Variants in KCTD2 observed in about 807,000 individuals in gnomAD.
The protein encoded by KCTD2 is BTB/POZ domain-containing protein KCTD2.
A neutral mutation model predicts 27.9 loss-of-function variants in KCTD2; 18 were observed. That is an observed-to-expected ratio of 0.64 (90% CI 0.45 to 0.96). The LOEUF (loss-of-function observed/expected upper bound fraction) is 0.96. Among genes scored for constraint, KCTD2 ranks in the 40% least tolerant of loss-of-function variants. The pLI, the probability that KCTD2 is intolerant of heterozygous loss-of-function variation, is 0.00. For missense variants in KCTD2, 280 were observed against 348.0 expected (o/e 0.80, Z 1.56); for synonymous variants, 175 against 148.4 (o/e 1.18, Z -1.30).
upstream of KCTD2, among the ~76,000 whole-genome samples, chr17:75,043,611 CA>C (rs533075854): frequency 1.8e-3 from 147 of 80,638 alleles, no homozygotes; most frequent in East Asian, 0.012. Flanking sequence ...GACTCTGTCT[CA>C]AAAAAAAAAA....
In KCTD2 at chr17:75,035,103, T is replaced by G. The variant is rs1386160970; in HGVS notation, c.-384-129T>G. On this transcript the variant is annotated intron_variant, in intron 2 of 7. Transcript: ENST00000581589. ...CAAATTGGCCTCTCTAGGAGGTAGCTGCAGCCGGAGACCGCGTGGCCTAAT... is the reference window on the plus strand; with the variant it reads ...CAAATTGGCCTCTCTAGGAGGTAGCGGCAGCCGGAGACCGCGTGGCCTAAT... 8 of 152,264 alleles carry G rather than the reference T, an allele frequency of 5.3e-5. 1 individual carries two copies. In the South Asian group the frequency reaches 6.2e-4, roughly 12 times the overall value. 9.4% of individuals were successfully genotyped at this position (152,264 alleles called of 1,614,324 possible).
chr17:75,040,344 A>G (rs1017132126), intron 3 of KCTD2: 1 of 657,850 alleles, frequency 1.5e-6, no homozygotes, highest in Non-Finnish European at 2.7e-6. Flanking sequence ...TGGAGTAGAA[A>G]GAATATTAGA....
intron 3 of KCTD2, chr17:75,039,202 T>C (rs756581780): frequency 3.5e-5 from 56 of 1,613,862 alleles, no homozygotes; most frequent in East Asian, 6.7e-5. Flanking sequence ...CTACCCATCA[T>C]CCTTACCTCT....
At chr17:75,049,394 A>T (rs1215917814) in intron 2 of KCTD2, 66 bp downstream of exon 2, 2 of 1,073,032 alleles carry the variant, frequency 1.9e-6, no homozygotes, top group Non-Finnish European at 2.8e-6. Context: ...TGTTTTACAG[A>T]TTTCAATTTT....
chr17:75,062,415 G>A (rs185528978), intron 5 of KCTD2, among the ~76,000 whole-genome samples, 170 bp downstream of exon 5: 19 of 152,122 alleles, frequency 1.2e-4, no homozygotes, highest in East Asian at 1.2e-3. Context: ...TGGGATTTAC[G>A]GAGCACTGAC....
chr17:75,047,302 G>T lies in KCTD2; in HGVS notation c.52G>T (p.Gly18Trp). The T allele has an allele frequency of 8.6e-7, 1 of 1,163,812 alleles. No individual in the cohort carries two copies. Among genetic ancestry groups the T allele is most frequent in the South Asian group, 3.9e-5 (1 of 25,578 alleles). The allele number at this position is 1,163,812 out of a possible 1,614,324, so 72.1% of individuals were successfully genotyped here. A position where few individuals can be genotyped will look rare whatever the true frequency, so the allele number is the denominator to read the frequency against. ...GATGGCGGGGCTGGGAGGGGGCGGC[G>T]GGAGTGGGGTGGGCGACGGGGGTGG... ...PAMAGLGGGG[G>W]SGVGDGGGPV... Residue 18 changes from glycine to tryptophan, a missense_variant, in exon 1 of 6, where the codon GGG becomes TGG. Transcript: ENST00000322444.
chr17:75,055,912 T>G (rs533910634), intron 3 of KCTD2, among the ~76,000 whole-genome samples: 1 of 151,796 alleles, frequency 6.6e-6, no homozygotes, highest in African/African-American at 2.4e-5. Context: ...GCGCCTATAA[T>G]CCCAGCTACT....
At chr17:75,059,802 G>A (rs1265860115) in intron 4 of KCTD2, among the ~76,000 whole-genome samples, 197 bp downstream of exon 4, 4 of 152,168 alleles carry the variant, frequency 2.6e-5, no homozygotes, top group Non-Finnish European at 5.9e-5. Flanking sequence ...GGGAAACAGA[G>A]GAGCATCATG....
chr17:75,042,578 T>C (rs749305952), upstream of KCTD2: 96 of 1,612,922 alleles, frequency 6.0e-5, no homozygotes, highest in Admixed American at 3.3e-4. Context: ...GCAATGGCCT[T>C]TTGGTTCTGG....
At chr17:75,039,875 G>C in intron 3 of KCTD2, 1 of 577,218 alleles carries the variant, frequency 1.7e-6, no homozygotes, top group Non-Finnish European at 3.0e-6. Context: ...GTCTTACAAA[G>C]ATGGAATCAT....
chr17:75,046,033 G>A (rs909822104), upstream of KCTD2, among the ~76,000 whole-genome samples: 11 of 152,196 alleles, frequency 7.2e-5, no homozygotes, highest in African/African-American at 2.7e-4. Context: ...CTCTGTTTGG[G>A]GTCCCTGATT....
Position 75,062,230 on chromosome 17 carries a change from G to A in KCTD2, c.747G>A (p.Pro249=), listed in dbSNP as rs777864720. ...NNSTNGIVIE[P]SEKAKILQER... ...CTACCAATGGCATCGTCATAGAGCC[G>A]AGCGAAAAGGCGAAGGTAAGGAGCC... Residue 249 remains proline, a synonymous_variant, in exon 5 of 6, where the codon CCG becomes CCA. Transcript: ENST00000322444. 32 of 1,611,962 alleles carry A rather than the reference G, an allele frequency of 2.0e-5. No individual in the cohort carries two copies. Among genetic ancestry groups the A allele is most frequent in the Non-Finnish European group, 2.5e-5 (29 of 1,179,290 alleles).
At chr17:75,060,663 G>T in intron 4 of KCTD2, 1 of 1,494,602 alleles carries the variant, frequency 6.7e-7, no homozygotes. Context: ...GGGAGGGCGC[G>T]CGTGCGAGGG....
chr17:75,035,401 C>T (rs1000588131), intron 3 of KCTD2: 1 of 152,160 alleles, frequency 6.6e-6, no homozygotes, highest in Admixed American at 6.5e-5. Context: ...GAGCTGGTAC[C>T]TGGAACGAGT....
At chr17:75,045,375 C>G (rs12950646), upstream of KCTD2, among the ~76,000 whole-genome samples, 51,564 of 152,164 alleles carry the variant, frequency 0.34, 13,292 homozygotes, top group African/African-American at 0.71. Flanking sequence ...ACAGGGTTTT[C>G]AGATCAACCG....
intron 5 of KCTD2, among the ~76,000 whole-genome samples, chr17:75,062,684 A>AC (rs371967820): frequency 8.6e-6 from 1 of 115,702 alleles, no homozygotes; most frequent in Admixed American, 9.7e-5. Context: ...TCCACTGTGC[A>AC]CCCCCCTCAC....
chr17:75,044,790 A>G (rs2073196456), upstream of KCTD2, among the ~76,000 whole-genome samples: 1 of 152,250 alleles, frequency 6.6e-6, no homozygotes, highest in Non-Finnish European at 1.5e-5. Context: ...AAAGTCAAAA[A>G]TCTCTATAAG....
At chr17:75,049,053 T>C in intron 1 of KCTD2, 167 bp from the exon 2 acceptor site, 1 of 529,146 alleles carries the variant, frequency 1.9e-6, no homozygotes, top group South Asian at 3.0e-5. Flanking sequence ...TTCTTACCAA[T>C]AGTTTGTGAC....
chr17:75,049,059 G>A, intron 1 of KCTD2, 161 bp from the exon 2 acceptor site: 2 of 531,746 alleles, frequency 3.8e-6, no homozygotes, highest in Non-Finnish European at 3.4e-6. Flanking sequence ...CCAATAGTTT[G>A]TGACAAATGT....
Sources: allele counts gnomAD v4.1 joint callset (sites outside exome capture counted in the v4.1 genomes callset), GRCh38; gene constraint gnomAD v4.1.1; transcripts MANE v1.5; gene names NCBI Gene and HGNC (gene_info 2026-07-23, HGNC 2026-07-21).